CLMP: variants seen among roughly 807,000 people sequenced by gnomAD.
The protein encoded by CLMP is CXADR-like membrane protein.
A neutral mutation model predicts 45.2 loss-of-function variants in CLMP; 27 were observed. The observed-to-expected ratio is 0.60, with a 90% CI of 0.44 to 0.82. The LOEUF (loss-of-function observed/expected upper bound fraction) is 0.82, where lower values mean the gene tolerates loss of function less well. Among genes scored for constraint, CLMP ranks in the 40% least tolerant of loss-of-function variants. The probability of loss-of-function intolerance (pLI) is 0.00; values close to 1 mark genes in which losing one functional copy is unlikely to be tolerated. For missense variants in CLMP, 403 were observed against 448.4 expected (o/e 0.90, Z 0.91); for synonymous variants, 167 against 171.4 (o/e 0.97, Z 0.20).
intron 2 of CLMP, among the ~76,000 whole-genome samples, chr11:123,093,684 C>A (rs1304209462): frequency 2.6e-5 from 4 of 151,976 alleles, no homozygotes; most frequent in Non-Finnish European, 5.9e-5. Flanking sequence ...TGTTTTTTAT[C>A]CTAAGAAGTG....
chr11:123,100,490 G>T (rs1475094097), intron 1 of CLMP, among the ~76,000 whole-genome samples: 1 of 152,094 alleles, frequency 6.6e-6, no homozygotes, highest in Non-Finnish European at 1.5e-5. Context: ...TTTATTTGGG[G>T]GTGAGCTGGG....
intron 5 of CLMP, among the ~76,000 whole-genome samples, chr11:123,077,021 G>C (rs1480607607): frequency 9.1e-6 from 1 of 109,476 alleles, no homozygotes; most frequent in Non-Finnish European, 1.8e-5. Context: ...TTTTTGAGAT[G>C]GAGTTTCGCT....
chr11:123,070,778 A>G lies in CLMP; in HGVS notation c.*2696T>C, dbSNP rs531897960. ...GTTAGAGTAAGGGGTTTTATATTTTACAATGAGACAGTGTTAGTGTAAGAA... is the reference window on the plus strand; with the variant it reads ...GTTAGAGTAAGGGGTTTTATATTTTGCAATGAGACAGTGTTAGTGTAAGAA... On this transcript the variant is annotated 3_prime_UTR_variant, in exon 7 of 7. Coordinates refer to ENST00000448775, the MANE Select transcript of CLMP (RefSeq NM_024769.5). 4 of 152,360 alleles carry G rather than the reference A, an allele frequency of 2.6e-5. No homozygotes were observed. The East Asian group carries it at 7.7e-4, about 29-fold the overall frequency. 9.4% of individuals were successfully genotyped at this position (152,360 alleles called of 1,614,324 possible). A position where few individuals can be genotyped will look rare whatever the true frequency, so the allele number is the denominator to read the frequency against.
At chr11:123,167,951 A>T (rs1413250496) in intron 1 of CLMP, among the ~76,000 whole-genome samples, 1 of 150,734 alleles carries the variant, frequency 6.6e-6, no homozygotes, top group Non-Finnish European at 1.5e-5. Context: ...CAAGCCCAGG[A>T]AGGAAAGACA....
intron 1 of CLMP, among the ~76,000 whole-genome samples, chr11:123,125,707 G>C (rs1236624319): frequency 6.6e-6 from 1 of 150,928 alleles, no homozygotes; most frequent in Admixed American, 6.6e-5. Flanking sequence ...GGGTTCAAGT[G>C]ATTCTCCTGC....
At chr11:123,185,489 C>T (rs551126646) in intron 1 of CLMP, among the ~76,000 whole-genome samples, 4 of 152,252 alleles carry the variant, frequency 2.6e-5, no homozygotes, top group African/African-American at 7.2e-5. Flanking sequence ...TGCAGGACTC[C>T]GGGAACAGGG....
At chr11:123,120,246 C>A (rs947068847) in intron 1 of CLMP, among the ~76,000 whole-genome samples, 2 of 152,052 alleles carry the variant, frequency 1.3e-5, no homozygotes, top group African/African-American at 4.8e-5. Context: ...CACAGTGAGA[C>A]CCCATCTCCA....
intron 2 of CLMP, among the ~76,000 whole-genome samples, chr11:123,096,018 A>C (rs2135479142): frequency 6.6e-6 from 1 of 152,306 alleles, no homozygotes; most frequent in African/African-American, 2.4e-5. Flanking sequence ...ACATCACTTC[A>C]TTCAGAACTG....
intron 1 of CLMP, among the ~76,000 whole-genome samples, chr11:123,181,161 C>A (rs991784764): frequency 3.3e-5 from 5 of 152,234 alleles, no homozygotes; most frequent in African/African-American, 1.2e-4. Flanking sequence ...TCCAGTCTAT[C>A]TTCCAGCAGG....
intron 1 of CLMP, among the ~76,000 whole-genome samples, chr11:123,165,922 T>C (rs1282439360): frequency 1.3e-5 from 2 of 152,152 alleles, no homozygotes; most frequent in Non-Finnish European, 2.9e-5. Context: ...GTCAACACTG[T>C]CAAGCCATCT....
chr11:123,106,416 TGTGTGTGTGC>T (rs759094229), intron 1 of CLMP, among the ~76,000 whole-genome samples: 123 of 107,584 alleles, frequency 1.1e-3, no homozygotes, highest in African/African-American at 1.4e-3. Context: ...TGTGTGTGTG[TGTGTGTGTGC>T]GCGCGCGCGC....
chr11:123,088,051 C>T (rs558842686), intron 2 of CLMP, among the ~76,000 whole-genome samples: 6 of 151,984 alleles, frequency 3.9e-5, no homozygotes, highest in African/African-American at 1.4e-4. Context: ...GCTGGGATTA[C>T]AGGCATGTGC....
chr11:123,172,296 A>G (rs1861646157), intron 1 of CLMP, among the ~76,000 whole-genome samples: 2 of 151,982 alleles, frequency 1.3e-5, no homozygotes, highest in African/African-American at 4.8e-5. Flanking sequence ...TGTTTTTAGT[A>G]GAGACGGTGT....
intron 2 of CLMP, among the ~76,000 whole-genome samples, chr11:123,093,181 C>T (rs1191067773): frequency 6.6e-6 from 1 of 152,088 alleles, no homozygotes; most frequent in East Asian, 1.9e-4. Context: ...GCTGGAATTA[C>T]AGGTGTGAAC....
chr11:123,150,881 A>G (rs1282327363), intron 1 of CLMP, among the ~76,000 whole-genome samples: 2 of 151,968 alleles, frequency 1.3e-5, no homozygotes, highest in Non-Finnish European at 2.9e-5. Flanking sequence ...CACTCCTAGC[A>G]TATTAGAGAC....
At chr11:123,192,427 T>A (rs1329747041) in intron 1 of CLMP, among the ~76,000 whole-genome samples, 1 of 152,122 alleles carries the variant, frequency 6.6e-6, no homozygotes, top group Non-Finnish European at 1.5e-5. Flanking sequence ...AGTTCCAGCT[T>A]CGTGCATTCT....
intron 1 of CLMP, 103 bp from the exon 2 acceptor site, chr11:123,098,055 G>C (rs1866011467): frequency 1.0e-6 from 1 of 970,762 alleles, no homozygotes; most frequent in East Asian, 2.7e-5. Flanking sequence ...GTGGGCAAGT[G>C]CATGTGGAGG....
At position 123,084,599 on chromosome 11, in the gene CLMP, G is replaced by A. The variant is rs1194465861; in HGVS notation, c.301C>T (p.Leu101=). The A allele has an allele frequency of 6.2e-7, 1 of 1,614,214 alleles. No individual in the cohort carries two copies. Among genetic ancestry groups the A allele is most frequent in the South Asian group, 1.1e-5 (1 of 91,090 alleles). The change falls in exon 3 of 7, where the codon CTG becomes TTG. Residue 101 remains leucine, a synonymous_variant. Coordinates refer to ENST00000448775, the MANE Select transcript of CLMP (RefSeq NM_024769.5). ...TACCGGCCCTCATCACTGGGCTTCA[G>A]AGGTTCAATCTGCAAGGAGGCATCT... is the stretch of plus-strand genomic sequence containing the variant. The part of the protein sequence containing the change: ...AGDASLQIEP[L]KPSDEGRYTC...
At chr11:123,173,769 T>C (rs1861665384) in intron 1 of CLMP, among the ~76,000 whole-genome samples, 1 of 152,104 alleles carries the variant, frequency 6.6e-6, no homozygotes, top group African/African-American at 2.4e-5. Context: ...GCCGCACTCC[T>C]TCACCACATC....
Sources: allele counts gnomAD v4.1 joint callset (sites outside exome capture counted in the v4.1 genomes callset), GRCh38; gene constraint gnomAD v4.1.1; transcripts MANE v1.5; gene names NCBI Gene and HGNC (gene_info 2026-07-23, HGNC 2026-07-21).